Variants in CCDC141 observed in about 807,000 individuals in gnomAD.
CCDC141 encodes coiled-coil domain containing 141, also known as coiled-coil domain-containing protein 141.
In CCDC141, 168 loss-of-function variants were observed where a neutral mutation model predicts 181.0. The observed-to-expected ratio is 0.93, with a 90% CI of 0.82 to 1.05. The LOEUF (loss-of-function observed/expected upper bound fraction) is 1.05. Among genes scored for constraint, CCDC141 ranks in the 50% least tolerant of loss-of-function variants. The pLI is 0.00. For missense variants in CCDC141, 1,902 were observed against 1,788.5 expected (o/e 1.06, Z -1.14); for synonymous variants, 666 against 642.3 (o/e 1.04, Z -0.56).
intron 2 of CCDC141, among the ~76,000 whole-genome samples, chr2:178,980,610 C>A (rs1691334168): frequency 6.6e-6 from 1 of 152,138 alleles, no homozygotes; most frequent in African/African-American, 2.4e-5. Flanking sequence ...CCTTGCTCTA[C>A]CCCTCCTGGG....
chr2:178,893,776 C>G (rs1380637687), intron 8 of CCDC141, among the ~76,000 whole-genome samples: 1 of 150,864 alleles, frequency 6.6e-6, no homozygotes, highest in African/African-American at 2.4e-5. Flanking sequence ...GAAAATTTCT[C>G]CCACCAAACA....
At chr2:178,957,554 AT>A (rs1259825436) in intron 5 of CCDC141, among the ~76,000 whole-genome samples, 1 of 152,242 alleles carries the variant, frequency 6.6e-6, no homozygotes, top group Non-Finnish European at 1.5e-5. Flanking sequence ...TGATCCAGCA[AT>A]TGTGTTCCTT....
At chr2:179,041,198 C>G (rs1372196257) in intron 2 of CCDC141, among the ~76,000 whole-genome samples, 1 of 152,152 alleles carries the variant, frequency 6.6e-6, no homozygotes, top group Non-Finnish European at 1.5e-5. Flanking sequence ...CCACGCCATT[C>G]TCCTGCCTCA....
At chr2:179,011,295 G>C (rs2042263880) in intron 2 of CCDC141, among the ~76,000 whole-genome samples, 1 of 152,112 alleles carries the variant, frequency 6.6e-6, no homozygotes, top group South Asian at 2.1e-4. Flanking sequence ...CATGCAAATG[G>C]ACACCAAAAA....
At chr2:178,982,818 CCA>C (rs761236683) in intron 2 of CCDC141, among the ~76,000 whole-genome samples, 4 of 152,306 alleles carry the variant, frequency 2.6e-5, no homozygotes, top group Non-Finnish European at 5.9e-5. Flanking sequence ...GGGTCCTACC[CCA>C]CAGAGTCTCC....
intron 4 of CCDC141, among the ~76,000 whole-genome samples, chr2:178,966,289 A>C (rs1478076357): frequency 6.6e-6 from 1 of 152,164 alleles, no homozygotes; most frequent in Non-Finnish European, 1.5e-5. Context: ...CTGTCTCCTC[A>C]AGTGGGTCCC....
intron 12 of CCDC141, chr2:178,876,255 G>A (rs1268641795): frequency 6.6e-6 from 1 of 152,144 alleles, no homozygotes; most frequent in Non-Finnish European, 1.5e-5. Context: ...AATTGCAGCT[G>A]TCAGTTATCT....
chr2:178,982,555 G>A lies in CCDC141; in HGVS notation c.226-3880C>T, dbSNP rs539678117. On this transcript the variant is annotated intron_variant, in intron 2 of 23. Coordinates refer to ENST00000443758, the MANE Select transcript of CCDC141 (RefSeq NM_173648.4). ...TTTCTGCATTTCCATCTGAGGTACC[G>A]GGTTCATCTCACTAGGGAGTGCCAG... is the stretch of plus-strand genomic sequence containing the variant. 1.3e-4 allele frequency among the ~76,000 whole-genome samples: 20 copies of A among 152,310 alleles called. 1 individual carries two copies. The East Asian group carries it at 2.9e-3, about 22-fold the overall frequency.
chr2:179,016,388 A>G (rs899649579), intron 2 of CCDC141, among the ~76,000 whole-genome samples: 3 of 152,150 alleles, frequency 2.0e-5, no homozygotes, highest in African/African-American at 7.2e-5. Flanking sequence ...TAAAAAATGT[A>G]TACATATAAA....
chr2:178,997,390 C>G (rs1487454131), intron 2 of CCDC141, among the ~76,000 whole-genome samples: 1 of 152,042 alleles, frequency 6.6e-6, no homozygotes, highest in African/African-American at 2.4e-5. Context: ...TTTCTCTTCC[C>G]CTAAGGAGCA....
At chr2:178,843,937 G>A (rs1167316459) in intron 22 of CCDC141, among the ~76,000 whole-genome samples, 1 of 152,334 alleles carries the variant, frequency 6.6e-6, no homozygotes, top group East Asian at 1.9e-4. Context: ...CTTGACAGCT[G>A]TAATTGTAGA....
At chr2:178,911,415 A>G (rs1486736468) in intron 7 of CCDC141, among the ~76,000 whole-genome samples, 1 of 152,194 alleles carries the variant, frequency 6.6e-6, no homozygotes, top group Admixed American at 6.5e-5. Context: ...AGAGCTAATA[A>G]ATGTCCAAGA....
chr2:178,911,170 C>T (rs1255686699), intron 7 of CCDC141, among the ~76,000 whole-genome samples: 1 of 152,136 alleles, frequency 6.6e-6, no homozygotes, highest in Non-Finnish European at 1.5e-5. Context: ...AATTTATGGA[C>T]TATGTACTCA....
At chr2:178,816,582 A>G in the CCDC141 span, among the ~76,000 whole-genome samples, 1 of 152,220 alleles carries the variant, frequency 6.6e-6, no homozygotes, top group African/African-American at 2.4e-5. Context: ...GGATTGTATG[A>G]CAAGAGTATG....
At position 178,834,346 on chromosome 2, in the gene CCDC141, C is replaced by T; in HGVS notation, c.4420G>A (p.Ala1474Thr). ...HSVFIPKVCK[A>T]DAGLYVARAQ... Reference sequence around the variant, plus strand: ...CGAGCCACATAGAGGCCTGCGTCTGCCTTGCATACCTTTGGAATGAACACC... The same window carrying T: ...CGAGCCACATAGAGGCCTGCGTCTGTCTTGCATACCTTTGGAATGAACACC... The change falls in exon 24 of 24, where the codon GCA (alanine) becomes ACA (threonine). Residue 1474 changes from alanine (A) to threonine (T), a missense_variant. Coordinates refer to ENST00000443758, the MANE Select transcript of CCDC141 (RefSeq NM_173648.4). 6.5e-7 allele frequency: 1 copy of T among 1,536,200 alleles called. No individual in the cohort carries two copies. The highest frequency in any genetic ancestry group is 8.7e-7 in the Non-Finnish European group (1 of 1,146,878).
chr2:178,983,113 G>A (rs993218469), intron 2 of CCDC141, among the ~76,000 whole-genome samples: 1 of 152,194 alleles, frequency 6.6e-6, no homozygotes, highest in Non-Finnish European at 1.5e-5. Context: ...CGCAGCTGGA[G>A]ATCTGAGAAC....
intron 14 of CCDC141, among the ~76,000 whole-genome samples, chr2:178,869,810 G>A (rs1187504311): frequency 5.3e-5 from 8 of 152,176 alleles, no homozygotes; most frequent in Admixed American, 2.6e-4. Context: ...CTTCAAAAGC[G>A]GTCATCCCAT....
At chr2:179,037,643 C>G (rs2043181566) in intron 2 of CCDC141, among the ~76,000 whole-genome samples, 1 of 152,184 alleles carries the variant, frequency 6.6e-6, no homozygotes, top group South Asian at 2.1e-4. Flanking sequence ...ACTTCTACAA[C>G]TCAACAACAG....
At chr2:178,984,089 G>T (rs577674412) in intron 2 of CCDC141, among the ~76,000 whole-genome samples, 1 of 152,132 alleles carries the variant, frequency 6.6e-6, no homozygotes, top group Non-Finnish European at 1.5e-5. Flanking sequence ...CCCTCAAAGG[G>T]AAGCCCATCA....
Sources: gnomAD v4.1 joint callset for allele counts (sites outside exome capture counted in the v4.1 genomes callset) on GRCh38, gnomAD v4.1.1 for gene constraint, MANE v1.5 for transcripts, NCBI Gene and HGNC (gene_info 2026-07-23, HGNC 2026-07-21) for gene names.